ZFHX3: variants seen among roughly 807,000 people sequenced by gnomAD.
ZFHX3 encodes zinc finger homeobox protein 3.
A neutral mutation model predicts 279.1 loss-of-function variants in ZFHX3; 42 were observed. That is an observed-to-expected ratio of 0.15 (90% confidence interval 0.12 to 0.19). The LOEUF (loss-of-function observed/expected upper bound fraction) is 0.19. Among genes scored for constraint, ZFHX3 ranks in the 10% least tolerant of loss-of-function variants. ZFHX3 has a pLI of 1.00. For synonymous variants in ZFHX3, 2,293 were observed against 1,957.8 expected (o/e 1.17, Z -4.52); for missense variants, 4,981 against 4,754.0 (o/e 1.05, Z -1.40).
At chr16:73,072,981 C>G (rs1280627410) in intron 8 of ZFHX3, among the ~76,000 whole-genome samples, 3 of 152,126 alleles carry the variant, frequency 2.0e-5, no homozygotes, top group Non-Finnish European at 4.4e-5. Context: ...ACTGCAACCT[C>G]CATTTCCCGG....
At chr16:73,393,401 G>T (rs936405307) in intron 3 of ZFHX3, among the ~76,000 whole-genome samples, 2 of 152,044 alleles carry the variant, frequency 1.3e-5, no homozygotes, top group African/African-American at 4.8e-5. Flanking sequence ...TGCAGTTCCT[G>T]GTCCTCCCCT....
At chr16:73,086,690 T>A (rs1451435297) in intron 8 of ZFHX3, among the ~76,000 whole-genome samples, 3 of 152,046 alleles carry the variant, frequency 2.0e-5, no homozygotes, top group Non-Finnish European at 4.4e-5. Flanking sequence ...ATTGCTTGAA[T>A]ACAGGAGTTC....
chr16:73,627,727 G>C (rs1001275536), intron 2 of ZFHX3, among the ~76,000 whole-genome samples: 1 of 152,108 alleles, frequency 6.6e-6, no homozygotes. Flanking sequence ...GACTATCCTG[G>C]CTAACATGGT....
intron 7 of ZFHX3, among the ~76,000 whole-genome samples, chr16:73,129,741 T>C (rs554617467): frequency 1.3e-5 from 2 of 151,940 alleles, no homozygotes; most frequent in Admixed American, 6.6e-5. Flanking sequence ...TGTGTGTGTA[T>C]GCCCACTCGC....
At chr16:73,418,585 A>AC in intron 3 of ZFHX3, among the ~76,000 whole-genome samples, 1 of 152,216 alleles carries the variant, frequency 6.6e-6, no homozygotes, top group Non-Finnish European at 1.5e-5. Flanking sequence ...GACATGTCAG[A>AC]ATCCCACAGA....
intron 3 of ZFHX3, among the ~76,000 whole-genome samples, chr16:73,403,898 C>T (rs988014571): frequency 6.6e-6 from 1 of 151,850 alleles, no homozygotes; most frequent in African/African-American, 2.4e-5. Flanking sequence ...TGTCTGGGTG[C>T]TGGTGGCATT....
intron 5 of ZFHX3, among the ~76,000 whole-genome samples, chr16:73,203,010 C>T (rs1306842415): frequency 6.9e-6 from 1 of 144,368 alleles, no homozygotes; most frequent in Non-Finnish European, 1.5e-5. Flanking sequence ...GCCTAGTCTT[C>T]TAAATTTAGC....
intron 1 of ZFHX3, among the ~76,000 whole-genome samples, chr16:73,040,237 T>C (rs995706348): frequency 2.6e-5 from 4 of 151,838 alleles, no homozygotes; most frequent in Admixed American, 2.6e-4. Context: ...GGAGCTGTGA[T>C]GGGGCCTGCA....
At chr16:73,405,423 G>A (rs929900270) in intron 3 of ZFHX3, among the ~76,000 whole-genome samples, 1 of 152,138 alleles carries the variant, frequency 6.6e-6, no homozygotes, top group African/African-American at 2.4e-5. Context: ...GATCTAATGA[G>A]GGGATTTTGG....
At chr16:73,393,651 C>T (rs1210372102) in intron 3 of ZFHX3, among the ~76,000 whole-genome samples, 1 of 152,136 alleles carries the variant, frequency 6.6e-6, no homozygotes, top group African/African-American at 2.4e-5. Context: ...TAGCTCTGAT[C>T]ACATTGAATA....
chr16:72,960,177 CA>C lies in ZFHX3; in HGVS notation c.-33del. 1 of 1,525,490 alleles carries C rather than the reference CA, an allele frequency of 6.6e-7. No individual in the cohort carries two copies. Among genetic ancestry groups the C allele is most frequent in the Non-Finnish European group, 8.8e-7 (1 of 1,134,432 alleles). The allele number at this position is 1,525,490 out of a possible 1,614,324, so 94.5% of individuals were successfully genotyped here. A position where few individuals can be genotyped will look rare whatever the true frequency, so the allele number is the denominator to read the frequency against. ...GCCTGCGTGGAGCTTTCATTGCACCCAGTACGGAGGCTCGGACCTGAAGGGC... is the reference window on the plus strand; with the variant it reads ...GCCTGCGTGGAGCTTTCATTGCACCCGTACGGAGGCTCGGACCTGAAGGGC... On this transcript the variant is annotated 5_prime_UTR_variant, in exon 2 of 10. It removes the in-frame stop codon of an upstream open reading frame in the 5' UTR. Transcript: ENST00000268489.
At chr16:73,468,368 AG>A (rs1362970961) in intron 2 of ZFHX3, among the ~76,000 whole-genome samples, 12 of 152,226 alleles carry the variant, frequency 7.9e-5, no homozygotes, top group African/African-American at 2.9e-4. Flanking sequence ...ATACGGGCTT[AG>A]TCACATCTTC....
intron 4 of ZFHX3, among the ~76,000 whole-genome samples, chr16:72,858,743 G>C (rs983950801): frequency 1.3e-5 from 2 of 152,246 alleles, no homozygotes; most frequent in South Asian, 4.1e-4. Context: ...TGTGCAGAGG[G>C]AGGAAGAGAT....
At chr16:73,666,140 C>T (rs551027076) in intron 2 of ZFHX3, among the ~76,000 whole-genome samples, 5 of 151,914 alleles carry the variant, frequency 3.3e-5, no homozygotes, top group South Asian at 2.1e-4. Context: ...AACTTTTAAG[C>T]GACCTGAGTG....
At chr16:73,399,735 C>T (rs1021087525) in intron 3 of ZFHX3, among the ~76,000 whole-genome samples, 14 of 152,142 alleles carry the variant, frequency 9.2e-5, no homozygotes, top group African/African-American at 3.4e-4. Flanking sequence ...ATTCCAGCAT[C>T]ACCCTAATTA....
chr16:73,795,161 G>A (rs1037610041), intron 1 of ZFHX3, among the ~76,000 whole-genome samples: 2 of 152,186 alleles, frequency 1.3e-5, no homozygotes, highest in African/African-American at 4.8e-5. Flanking sequence ...GGCTCAGACC[G>A]CAGCCAGGAG....
At chr16:73,795,156 A>G (rs1959954379) in intron 1 of ZFHX3, among the ~76,000 whole-genome samples, 1 of 152,238 alleles carries the variant, frequency 6.6e-6, no homozygotes, top group South Asian at 2.1e-4. Flanking sequence ...TCCCAGGCTC[A>G]GACCGCAGCC....
intron 7 of ZFHX3, among the ~76,000 whole-genome samples, chr16:73,129,912 C>T (rs1311298115): frequency 6.6e-6 from 1 of 152,038 alleles, no homozygotes; most frequent in Non-Finnish European, 1.5e-5. Context: ...TTTAATTAAC[C>T]ATCCTCCTTG....
intron 1 of ZFHX3, among the ~76,000 whole-genome samples, chr16:73,804,627 T>C (rs1394817929): frequency 6.6e-6 from 1 of 152,128 alleles, no homozygotes; most frequent in Non-Finnish European, 1.5e-5. Flanking sequence ...AGAGGCCCAT[T>C]AGAAGCTTCT....
Sources: allele counts gnomAD v4.1 joint callset (sites outside exome capture counted in the v4.1 genomes callset), GRCh38; gene constraint gnomAD v4.1.1; transcripts MANE v1.5; gene names NCBI Gene and HGNC (gene_info 2026-07-23, HGNC 2026-07-21).